DMD: variants seen among roughly 807,000 people sequenced by gnomAD.
DMD encodes the protein dystrophin, also known as mutant dystrophin.
Under a neutral mutation model 330.1 loss-of-function variants are expected in DMD, and 63 were observed. The observed-to-expected ratio is 0.19, with a 90% confidence interval of 0.16 to 0.24. DMD has a LOEUF of 0.24. DMD is among the 10% of genes least tolerant of loss of function. The pLI, the probability that DMD is intolerant of heterozygous loss-of-function variation, is 1.00. For synonymous variants in DMD, 1,223 were observed against 959.8 expected (o/e 1.27, Z -5.07); for missense variants, 3,344 against 2,684.1 (o/e 1.25, Z -5.43).
chrX:32,830,205 C>T (rs1037752980), intron 4 of DMD, among the ~76,000 whole-genome samples: 4 of 111,322 alleles, frequency 3.6e-5, no homozygotes, highest in African/African-American at 1.3e-4. Context: ...GTATTTCTTA[C>T]TATTAGCTGT....
At chrX:32,598,472 G>A (rs182675706) in intron 12 of DMD, among the ~76,000 whole-genome samples, 1 of 111,171 alleles carries the variant, frequency 9.0e-6, no homozygotes, top group African/African-American at 3.3e-5. Flanking sequence ...ATCATAAGTT[G>A]GTTTTCTGAA....
At chrX:32,463,725 A>G (rs1182057861) in intron 24 of DMD, 131 bp from the exon 25 acceptor site, 1 of 536,702 alleles carries the variant, frequency 1.9e-6, no homozygotes, top group African/African-American at 2.4e-5. Context: ...AAAATCTGAG[A>G]TACAGAGATA....
intron 49 of DMD, among the ~76,000 whole-genome samples, chrX:31,832,459 G>C (rs1047786387): frequency 1.8e-5 from 2 of 111,782 alleles, no homozygotes; most frequent in African/African-American, 6.5e-5. Flanking sequence ...GGTTGTGACT[G>C]ACTGTAATTG....
At chrX:33,059,747 G>A (rs750805807) in intron 1 of DMD, among the ~76,000 whole-genome samples, 2 of 111,722 alleles carry the variant, frequency 1.8e-5, no homozygotes, top group Non-Finnish European at 3.8e-5. Context: ...TGGTTTTGAA[G>A]GTATGTTATA....
intron 44 of DMD, among the ~76,000 whole-genome samples, chrX:32,000,040 A>C (rs925250146): frequency 8.9e-6 from 1 of 112,482 alleles, no homozygotes; most frequent in Non-Finnish European, 1.9e-5. Context: ...AAATACTGCA[A>C]CTTCTGGAGA....
chrX:32,452,041 G>C (rs780177650), intron 26 of DMD, among the ~76,000 whole-genome samples: 2 of 109,329 alleles, frequency 1.8e-5, no homozygotes, highest in East Asian at 5.8e-4. Context: ...CTAGAGCACA[G>C]GAAAATAAGA....
At chrX:31,149,833 A>C (rs2037179330) in intron 74 of DMD, among the ~76,000 whole-genome samples, 1 of 111,827 alleles carries the variant, frequency 8.9e-6, no homozygotes, top group Non-Finnish European at 1.9e-5. Flanking sequence ...AACTTAACCC[A>C]TAGTCATTTA....
chrX:32,667,215 A>T (rs1051979271), intron 9 of DMD, among the ~76,000 whole-genome samples: 3 of 111,435 alleles, frequency 2.7e-5, no homozygotes, highest in Non-Finnish European at 5.6e-5. Context: ...ATCACCCTAC[A>T]TTTGACTTTC....
chrX:32,603,069 C>G (rs780131692), intron 12 of DMD, among the ~76,000 whole-genome samples: 1 of 111,123 alleles, frequency 9.0e-6, no homozygotes, highest in Non-Finnish European at 1.9e-5. Context: ...GTACATTATT[C>G]TCATCTGCAC....
chrX:32,101,623 A>G (rs1454900802), intron 44 of DMD, among the ~76,000 whole-genome samples: 1 of 112,070 alleles, frequency 8.9e-6, no homozygotes, highest in African/African-American at 3.2e-5. Flanking sequence ...CTTTTACCAG[A>G]TGTTATTCAT....
chrX:32,463,352 T>G (rs1242867009), intron 25 of DMD, 87 bp downstream of exon 25: 15 of 947,176 alleles, frequency 1.6e-5, no homozygotes, highest in Non-Finnish European at 1.8e-5. Context: ...GAACAAAGCC[T>G]TAACCAAAAG....
chrX:31,402,708 C>T lies in DMD; in HGVS notation c.9084+41773G>A, dbSNP rs141100300. On this transcript the variant is annotated intron_variant, in intron 60 of 78. Transcript: ENST00000357033. ...TTATTGTAATTCTTCTGTCTTACTGCTCTCAGCAAATAAAGATCAAACAGG... is the reference window on the plus strand; with the variant it reads ...TTATTGTAATTCTTCTGTCTTACTGTTCTCAGCAAATAAAGATCAAACAGG... Among the ~76,000 whole-genome samples the T allele has an allele frequency of 8.3e-3, 932 of 111,943 alleles. 7 individuals carry two copies. Among genetic ancestry groups the T allele is most frequent in the African/African-American group, 0.025 (786 of 30,879 alleles).
chrX:32,638,476 G>A (rs1488437083), intron 11 of DMD, among the ~76,000 whole-genome samples: 2 of 111,869 alleles, frequency 1.8e-5, no homozygotes, highest in Non-Finnish European at 3.8e-5. Flanking sequence ...TTGCTAAACT[G>A]CACAATTCTG....
At chrX:33,187,392 G>A (rs995978028) in intron 1 of DMD, among the ~76,000 whole-genome samples, 6 of 112,621 alleles carry the variant, frequency 5.3e-5, no homozygotes, top group Non-Finnish European at 1.1e-4. Flanking sequence ...TAGTAAATAA[G>A]TAATTTCTAT....
chrX:31,684,984 T>A (rs1036579371), intron 52 of DMD, among the ~76,000 whole-genome samples: 3 of 112,150 alleles, frequency 2.7e-5, no homozygotes, highest in Non-Finnish European at 5.6e-5. Context: ...ATCATGGGAA[T>A]TGTACATGGG....
intron 7 of DMD, 87 bp downstream of exon 7, chrX:32,809,406 T>A: frequency 1.3e-6 from 1 of 787,171 alleles, no homozygotes; most frequent in Admixed American, 2.2e-5. Flanking sequence ...TATGTAGTTT[T>A]GTATTTTGTG....
intron 30 of DMD, among the ~76,000 whole-genome samples, chrX:32,404,206 G>T (rs938528799): frequency 8.9e-6 from 1 of 111,735 alleles, no homozygotes; most frequent in African/African-American, 3.2e-5. Flanking sequence ...AACGTAATTA[G>T]TTTAAATTAA....
intron 7 of DMD, among the ~76,000 whole-genome samples, chrX:32,764,718 GCTA>G (rs1022091776): frequency 1.8e-5 from 2 of 111,629 alleles, no homozygotes; most frequent in African/African-American, 6.5e-5. Context: ...TCCATCTTTT[GCTA>G]CTATGAATAA....
At chrX:31,961,740 G>GTTTTTTTTTTTTTTT (rs59279553) in intron 45 of DMD, among the ~76,000 whole-genome samples, 7 of 75,600 alleles carry the variant, frequency 9.3e-5, no homozygotes, top group Non-Finnish European at 1.2e-4. Flanking sequence ...AAAGGAAGCG[G>GTTTTTTTTTTTTTTT]TTTTTTTTTT....
Sources: gnomAD v4.1 joint callset for allele counts (sites outside exome capture counted in the v4.1 genomes callset) on GRCh38, gnomAD v4.1.1 for gene constraint, MANE v1.5 for transcripts, NCBI Gene and HGNC (gene_info 2026-07-23, HGNC 2026-07-21) for gene names.